The following NOSTRIN variants were observed in gnomAD, a reference collection of about 807,000 sequenced individuals.
NOSTRIN encodes the protein nitric oxide synthase trafficking, also known as BM247 homolog.
Under a neutral mutation model 59.0 loss-of-function variants are expected in NOSTRIN, and 63 were observed. That is an observed-to-expected ratio of 1.07 (90% CI 0.87 to 1.32). The LOEUF (loss-of-function observed/expected upper bound fraction) is 1.32. NOSTRIN is among the 40% of genes most tolerant of loss of function. NOSTRIN has a pLI of 0.00. For missense variants in NOSTRIN, 512 were observed against 473.1 expected (o/e 1.08, Z -0.76); for synonymous variants, 200 against 165.4 (o/e 1.21, Z -1.61).
chr2:168,855,510 A>G, intron 11 of NOSTRIN, 50 bp downstream of exon 11: 1 of 1,041,760 alleles, frequency 9.6e-7, no homozygotes, highest in South Asian at 1.4e-5. Context: ...TATGATGCTC[A>G]GAGGTTTCAT....
At chr2:168,856,086 T>C (rs58191289) in intron 11 of NOSTRIN, 15,896 of 228,096 alleles carry the variant, frequency 0.07, 1,062 homozygotes, top group African/African-American at 0.2. Context: ...AAGCCAACGT[T>C]GGGTAACTGT....
chr2:168,811,737 C>T, intron 2 of NOSTRIN, 85 bp downstream of exon 2: 1 of 585,010 alleles, frequency 1.7e-6, no homozygotes, highest in South Asian at 2.4e-5. Context: ...ACAAGCTGTC[C>T]TACTTTCCAG....
rs558515138 is a variant in NOSTRIN, at chr2:168,805,477, C to T, written c.27+2804C>T. On this transcript the variant is annotated intron_variant, in intron 1 of 15. Coordinates refer to ENST00000317647, the MANE Select transcript of NOSTRIN (RefSeq NM_001039724.4). ...TCTTCAAATCCATGTGCAAGAAAGGCGAAGTAAGATCCAATTATCTCTAAG... is the reference window on the plus strand; with the variant it reads ...TCTTCAAATCCATGTGCAAGAAAGGTGAAGTAAGATCCAATTATCTCTAAG... Among the ~76,000 whole-genome samples, 12 of 152,234 alleles carry T rather than the reference C, an allele frequency of 7.9e-5. No homozygotes were observed. In the South Asian group the frequency reaches 2.1e-3, roughly 26 times the overall value.
intron 2 of NOSTRIN, among the ~76,000 whole-genome samples, chr2:168,791,849 ATTTG>A (rs1317582292): frequency 7.2e-5 from 11 of 152,240 alleles, no homozygotes; most frequent in Admixed American, 5.9e-4. Flanking sequence ...TTTCTTGTAA[ATTTG>A]TTTGAGTTCA....
At chr2:168,807,041 G>A (rs1685886604) in intron 1 of NOSTRIN, among the ~76,000 whole-genome samples, 1 of 152,132 alleles carries the variant, frequency 6.6e-6, no homozygotes, top group Non-Finnish European at 1.5e-5. Flanking sequence ...TCACAACTCT[G>A]TCTCTAACTA....
chr2:168,802,490 A>C, upstream of NOSTRIN: 1 of 641,544 alleles, frequency 1.6e-6, no homozygotes, highest in Non-Finnish European at 2.9e-6. Flanking sequence ...AACGGGATGA[A>C]AGTCCAGGGC....
chr2:168,845,110 C>A (rs887348167), intron 8 of NOSTRIN, among the ~76,000 whole-genome samples: 1 of 152,016 alleles, frequency 6.6e-6, no homozygotes, highest in South Asian at 2.1e-4. Context: ...TTAATTTACA[C>A]CTTTGAACAT....
intron 7 of NOSTRIN, among the ~76,000 whole-genome samples, chr2:168,842,359 A>G (rs1038386683): frequency 8.5e-5 from 13 of 152,138 alleles, no homozygotes; most frequent in African/African-American, 2.7e-4. Context: ...GCAACCCGGT[A>G]TGTATTAATT....
intron 2 of NOSTRIN, among the ~76,000 whole-genome samples, chr2:168,789,650 A>G (rs911326980): frequency 1.3e-5 from 2 of 152,188 alleles, no homozygotes; most frequent in Non-Finnish European, 2.9e-5. Context: ...CCCAGATTCA[A>G]AAAGAGGGTA....
At chr2:168,792,246 T>C (rs1685376249) in intron 2 of NOSTRIN, among the ~76,000 whole-genome samples, 1 of 152,140 alleles carries the variant, frequency 6.6e-6, no homozygotes, top group Non-Finnish European at 1.5e-5. Flanking sequence ...AAAATGAGGA[T>C]GCCATCTATG....
At chr2:168,840,793 T>G (rs1298462956) in intron 7 of NOSTRIN, among the ~76,000 whole-genome samples, 1 of 152,140 alleles carries the variant, frequency 6.6e-6, no homozygotes, top group African/African-American at 2.4e-5. Context: ...TGATGTTTTT[T>G]AAAGAATGGT....
intron 5 of NOSTRIN, 87 bp downstream of exon 5, chr2:168,828,588 T>C: frequency 1.8e-6 from 1 of 553,174 alleles, no homozygotes; most frequent in East Asian, 3.0e-5. Flanking sequence ...CTGAAAGTGG[T>C]ACCAAGTTTC....
At chr2:168,816,753 C>T (rs997047094) in intron 2 of NOSTRIN, among the ~76,000 whole-genome samples, 1 of 152,234 alleles carries the variant, frequency 6.6e-6, no homozygotes, top group African/African-American at 2.4e-5. Context: ...TTGCCTGTCT[C>T]TTTCCCTAGA....
chr2:168,793,485 C>T (rs1685408480), upstream of NOSTRIN, among the ~76,000 whole-genome samples: 2 of 152,156 alleles, frequency 1.3e-5, no homozygotes, highest in South Asian at 4.2e-4. Context: ...GTGGCACACA[C>T]CTTTAGCTCT....
chr2:168,860,819 A>G lies in NOSTRIN; in HGVS notation c.1204A>G (p.Ile402Val), dbSNP rs763651810. The change falls in exon 14 of 16, where the codon ATA (isoleucine) becomes GTA (valine). Residue 402 changes from isoleucine to valine, a missense_variant. Ile to Val is a conservative substitution (Grantham distance 29). Coordinates refer to ENST00000317647, the MANE Select transcript of NOSTRIN (RefSeq NM_001039724.4). ...GGAGCATACTCATAGCTATGTGAAAATATCTCGGCCTTTTTTAATGAAGAG... is the reference window on the plus strand; with the variant it reads ...GGAGCATACTCATAGCTATGTGAAAGTATCTCGGCCTTTTTTAATGAAGAG... The part of the protein sequence containing the change: ...EKEHTHSYVK[I>V]SRPFLMKRLE... The G allele has an allele frequency of 1.4e-5, 22 of 1,612,802 alleles. No individual in the cohort carries two copies. In the South Asian group the frequency reaches 2.4e-4, roughly 18 times the overall value.
chr2:168,860,711 G>A, intron 13 of NOSTRIN, 84 bp from the exon 14 acceptor site: 6 of 858,684 alleles, frequency 7.0e-6, no homozygotes, highest in Non-Finnish European at 1.1e-5. Context: ...ACAACTTGAG[G>A]AAAACAGCTA....
chr2:168,793,532 G>T (rs1440385959), upstream of NOSTRIN, among the ~76,000 whole-genome samples: 2 of 152,140 alleles, frequency 1.3e-5, no homozygotes, highest in African/African-American at 4.8e-5. Context: ...GATTGCTTGA[G>T]TTTGGGAGGC....
intron 3 of NOSTRIN, among the ~76,000 whole-genome samples, chr2:168,827,709 G>A (rs778506174): frequency 1.1e-4 from 16 of 151,956 alleles, no homozygotes; most frequent in Non-Finnish European, 1.9e-4. Flanking sequence ...CTAGGACTAT[G>A]GGCGTGCATC....
chr2:168,851,837 T>G (rs1326463421), intron 10 of NOSTRIN, among the ~76,000 whole-genome samples: 1 of 152,130 alleles, frequency 6.6e-6, no homozygotes, highest in Non-Finnish European at 1.5e-5. Flanking sequence ...GGAATTCAGT[T>G]GTGTCTTAGC....
Sources: allele counts gnomAD v4.1 joint callset (sites outside exome capture counted in the v4.1 genomes callset), GRCh38; gene constraint gnomAD v4.1.1; transcripts MANE v1.5; gene names NCBI Gene and HGNC (gene_info 2026-07-23, HGNC 2026-07-21).